PIEZO2: variants seen among roughly 807,000 people sequenced by gnomAD.
The protein encoded by PIEZO2 is piezo type mechanosensitive ion channel component 2.
In PIEZO2, 172 loss-of-function variants were observed where a neutral mutation model predicts 337.3. That is an observed-to-expected ratio of 0.51 (90% CI 0.45 to 0.58). The LOEUF is 0.58. Ranked by LOEUF, PIEZO2 falls within the 20% of genes least tolerant of loss-of-function variation. The probability of loss-of-function intolerance (pLI) is 0.00; values close to 1 mark genes in which losing one functional copy is unlikely to be tolerated. For missense variants in PIEZO2, 3,028 were observed against 3,391.3 expected (o/e 0.89, Z 2.66); for synonymous variants, 1,251 against 1,228.5 (o/e 1.02, Z -0.38).
At position 10,973,820 on chromosome 18, in the gene PIEZO2, T is replaced by C. The variant is rs1013802909; in HGVS notation, c.286+5715A>G. 1.4e-4 allele frequency among the ~76,000 whole-genome samples: 21 copies of C among 152,098 alleles called. No homozygotes were observed. The highest frequency in any genetic ancestry group is 4.8e-4 in the African/African-American group (20 of 41,414). On this transcript the variant is annotated intron_variant, in intron 3 of 55. Transcript: ENST00000674853. The surrounding 1 kb of genome is among the most constrained non-coding windows in gnomAD (Gnocchi z 4.9). ...AAAAAATGACTCAGAACATGCAGGG[T>C]GTGAGTTTGCTTTTATATATTTTGT... is the stretch of plus-strand genomic sequence containing the variant.
At chr18:10,802,807 TA>T (rs1481335170) in intron 9 of PIEZO2, among the ~76,000 whole-genome samples, 1 of 151,932 alleles carries the variant, frequency 6.6e-6, no homozygotes, top group Non-Finnish European at 1.5e-5. Flanking sequence ...ACATCTCTAC[TA>T]AAAATTCAAA....
rs1161771281 is a variant in PIEZO2, at chr18:10,940,926, A to C, written c.287-29698T>G. On this transcript the variant is annotated intron_variant, in intron 3 of 55. Coordinates refer to ENST00000674853, the MANE Select transcript of PIEZO2 (RefSeq NM_001378183.1). This position sits in a 1 kb window ranked among gnomAD's most constrained non-coding sequence, Gnocchi z 5.3. Reference sequence around the variant, plus strand: ...TTACCCATTACTATAGCAAGGTTATAGAGAAAATATATATGGCTCTGCATT... The same window carrying C: ...TTACCCATTACTATAGCAAGGTTATCGAGAAAATATATATGGCTCTGCATT... 2.0e-5 allele frequency among the ~76,000 whole-genome samples: 3 copies of C among 152,218 alleles called. No individual in the cohort carries two copies. Among genetic ancestry groups the C allele is most frequent in the Non-Finnish European group, 2.9e-5 (2 of 68,042 alleles).
chr18:11,059,838 G>C (rs1405409001), intron 2 of PIEZO2, among the ~76,000 whole-genome samples: 4 of 152,088 alleles, frequency 2.6e-5, no homozygotes, highest in African/African-American at 9.7e-5. Flanking sequence ...GTCAACATTA[G>C]ACAGATCAAT....
At position 11,116,675 on chromosome 18, in the gene PIEZO2, A is replaced by T. The variant is rs1156877600; in HGVS notation, c.64+31850T>A. ...AGCTTGCAGTGAGCCGAGATCCGCC[A>T]CCGCACTCCAGCCTGGGCGACAGAA... On this transcript the variant is annotated intron_variant, in intron 1 of 55. Coordinates refer to ENST00000674853, the MANE Select transcript of PIEZO2 (RefSeq NM_001378183.1). This position sits in a 1 kb window ranked among gnomAD's most constrained non-coding sequence, Gnocchi z 5.0. 6.6e-6 allele frequency among the ~76,000 whole-genome samples: 1 copy of T among 151,754 alleles called. No individual in the cohort carries two copies. The highest frequency in any genetic ancestry group is 2.4e-5 in the African/African-American group (1 of 41,276).
At chr18:11,065,852 T>C (rs1413262282) in intron 2 of PIEZO2, among the ~76,000 whole-genome samples, 1 of 152,236 alleles carries the variant, frequency 6.6e-6, no homozygotes, top group Non-Finnish European at 1.5e-5. Flanking sequence ...TTAGTAGTGT[T>C]AACTAGCCAA....
intron 7 of PIEZO2, among the ~76,000 whole-genome samples, chr18:10,829,005 G>A (rs915317760): frequency 1.3e-5 from 2 of 152,082 alleles, no homozygotes; most frequent in African/African-American, 2.4e-5. Context: ...TTCAAGTGGT[G>A]GGCATTCCCT....
rs144319797 is a variant in PIEZO2 at position 11,049,046 on chromosome 18, A to T, written c.160+17081T>A. On this transcript the variant is annotated intron_variant, in intron 2 of 55. Coordinates refer to ENST00000674853, the MANE Select transcript of PIEZO2 (RefSeq NM_001378183.1). ...TTTGAAGCAAGTCAGCTTCAAAAAAACTGAAATAAATTGACTCAAAAAATA... is the reference window on the plus strand; with the variant it reads ...TTTGAAGCAAGTCAGCTTCAAAAAATCTGAAATAAATTGACTCAAAAAATA... Among the ~76,000 whole-genome samples, 413 of 152,342 alleles carry T rather than the reference A, an allele frequency of 2.7e-3. 1 individual carries two copies. Among genetic ancestry groups the T allele is most frequent in the East Asian group, 5.8e-3 (30 of 5,190 alleles).
rs115296155 is a variant in PIEZO2, at chr18:10,682,973, C to T, written c.7498-681G>A. 3.6e-3 allele frequency among the ~76,000 whole-genome samples: 553 copies of T among 152,304 alleles called. 6 individuals carry two copies. The highest frequency in any genetic ancestry group is 0.012 in the African/African-American group (499 of 41,562). ...GATTCATGAAGGACCCACTAAGCCCCCTGCTTAAAGACTATGGACAAGTGG... is the reference window on the plus strand; with the variant it reads ...GATTCATGAAGGACCCACTAAGCCCTCTGCTTAAAGACTATGGACAAGTGG... On this transcript the variant is annotated intron_variant, in intron 49 of 55. Coordinates refer to ENST00000674853, the MANE Select transcript of PIEZO2 (RefSeq NM_001378183.1). The surrounding 1 kb of genome is among the most constrained non-coding windows in gnomAD (Gnocchi z 5.6).
At chr18:11,120,424 C>T (rs2039998157) in intron 1 of PIEZO2, among the ~76,000 whole-genome samples, 1 of 152,012 alleles carries the variant, frequency 6.6e-6, no homozygotes, top group Non-Finnish European at 1.5e-5. Context: ...AGCATTTAAA[C>T]AGGACAAATG....
rs8096373 is a variant in PIEZO2 at position 11,116,640 on chromosome 18, C to T, written c.64+31885G>A. 0.25 allele frequency among the ~76,000 whole-genome samples: 37,442 copies of T among 151,334 alleles called. 7,465 individuals carry two copies. Among genetic ancestry groups the T allele is most frequent in the African/African-American group, 0.55 (22,671 of 41,180 alleles). On this transcript the variant is annotated intron_variant, in intron 1 of 55. Coordinates refer to ENST00000674853, the MANE Select transcript of PIEZO2 (RefSeq NM_001378183.1). The surrounding 1 kb of genome is among the most constrained non-coding windows in gnomAD (Gnocchi z 5.0). ...CTGAGGCAGGAGAATGGCGTGAACC[C>T]GGGAGGCGTAGCTTGCAGTGAGCCG... is the stretch of plus-strand genomic sequence containing the variant.
chr18:10,791,941 G>T (rs930542978), intron 13 of PIEZO2, among the ~76,000 whole-genome samples: 5 of 152,088 alleles, frequency 3.3e-5, no homozygotes, highest in Non-Finnish European at 5.9e-5. Flanking sequence ...CACACAGTAG[G>T]TTTATTGCTG....
chr18:10,838,397 A>C (rs905303913), intron 7 of PIEZO2, among the ~76,000 whole-genome samples: 8 of 152,180 alleles, frequency 5.3e-5, no homozygotes, highest in African/African-American at 1.9e-4. Context: ...TTGTTTTTTC[A>C]ACCTTGGAAA....
chr18:10,831,340 C>T (rs2040836837), intron 7 of PIEZO2, among the ~76,000 whole-genome samples: 1 of 152,088 alleles, frequency 6.6e-6, no homozygotes, highest in Non-Finnish European at 1.5e-5. Flanking sequence ...TACTATTCAA[C>T]CATAAAAAAG....
intron 4 of PIEZO2, among the ~76,000 whole-genome samples, chr18:10,881,521 G>T (rs539151253): frequency 2.0e-5 from 3 of 152,170 alleles, no homozygotes; most frequent in Non-Finnish European, 4.4e-5. Flanking sequence ...TGCTCCTCAG[G>T]AGTTTGCTGA....
chr18:10,769,499 T>C (rs996196818), intron 21 of PIEZO2, among the ~76,000 whole-genome samples: 2 of 152,238 alleles, frequency 1.3e-5, no homozygotes, highest in Non-Finnish European at 2.9e-5. Flanking sequence ...AGTACTCCCT[T>C]GATTAATTTT....
chr18:11,054,768 A>G (rs2037655656), intron 2 of PIEZO2, among the ~76,000 whole-genome samples: 1 of 152,202 alleles, frequency 6.6e-6, no homozygotes, highest in Non-Finnish European at 1.5e-5. Flanking sequence ...GTGTTGGGAA[A>G]ACTGAGAGTT....
chr18:10,908,359 G>T, intron 4 of PIEZO2: 1 of 152,252 alleles, frequency 6.6e-6, no homozygotes, highest in East Asian at 1.9e-4. Flanking sequence ...AAAATAATCC[G>T]CTGGCAACCA....
At chr18:10,686,909 C>T (rs2034568261) in intron 49 of PIEZO2, among the ~76,000 whole-genome samples, 1 of 152,110 alleles carries the variant, frequency 6.6e-6, no homozygotes, top group Non-Finnish European at 1.5e-5. Context: ...CTCCCTGTAA[C>T]AGTGGAGGAG....
chr18:10,720,234 G>GCATATATATATATATATATATA (rs1555631512), intron 36 of PIEZO2, among the ~76,000 whole-genome samples: 34 of 119,918 alleles, frequency 2.8e-4, no homozygotes, highest in African/African-American at 9.7e-4. Context: ...GTGTGTGTGT[G>GCATATATATATATATATATATA]TATATATATA....
Sources: gnomAD v4.1 joint callset for allele counts (sites outside exome capture counted in the v4.1 genomes callset) on GRCh38, gnomAD v4.1.1 for gene constraint, Gnocchi (gnomAD v3.1) non-coding constraint, MANE v1.5 for transcripts, NCBI Gene and HGNC (gene_info 2026-07-23, HGNC 2026-07-21) for gene names.